The following ENTREP2 variants were observed in gnomAD, a reference collection of about 807,000 sequenced individuals.
ENTREP2 encodes the protein protein ENTREP2.
At chr15:29,129,990 A>G in the ENTREP2 span, among the ~76,000 whole-genome samples, 1 of 152,170 alleles carries the variant, frequency 6.6e-6, no homozygotes, top group African/African-American at 2.4e-5. Context: ...ACTTGCTCTG[A>G]TTCCAGCTCA....
the ENTREP2 span, among the ~76,000 whole-genome samples, chr15:29,511,238 A>T: frequency 6.6e-6 from 1 of 152,226 alleles, no homozygotes; most frequent in Non-Finnish European, 1.5e-5. Flanking sequence ...CCATGTGTTA[A>T]GCGGGTTTCC....
the ENTREP2 span, among the ~76,000 whole-genome samples, chr15:29,204,253 C>T: frequency 6.6e-6 from 1 of 152,174 alleles, no homozygotes; most frequent in African/African-American, 2.4e-5. Context: ...AGCTAGCCTG[C>T]CCCCCTTATT....
At chr15:29,435,825 G>A in the ENTREP2 span, among the ~76,000 whole-genome samples, 1 of 152,012 alleles carries the variant, frequency 6.6e-6, no homozygotes, top group Non-Finnish European at 1.5e-5. Flanking sequence ...ATCCCAGTTT[G>A]CCCTGGAGTT....
At chr15:29,374,145 C>A in the ENTREP2 span, 1 of 151,994 alleles carries the variant, frequency 6.6e-6, no homozygotes, top group East Asian at 1.9e-4. Flanking sequence ...AAAAAGAAAT[C>A]TCACACATCA....
the ENTREP2 span, among the ~76,000 whole-genome samples, chr15:29,259,428 A>G: frequency 0.57 from 87,354 of 151,982 alleles, 25,220 homozygotes; most frequent in South Asian, 0.64. Flanking sequence ...CCCCTAAAGT[A>G]CCTGCCTGAG....
At chr15:29,489,794 G>A in the ENTREP2 span, among the ~76,000 whole-genome samples, 1 of 152,194 alleles carries the variant, frequency 6.6e-6, no homozygotes, top group East Asian at 1.9e-4. Flanking sequence ...TTGCACGTCT[G>A]GGTACCATCG....
chr15:29,125,277 C>T, the ENTREP2 span, among the ~76,000 whole-genome samples: 1 of 152,180 alleles, frequency 6.6e-6, no homozygotes, highest in Non-Finnish European at 1.5e-5. Flanking sequence ...AGAGAGGTTC[C>T]GGAGCTCAAG....
chr15:29,549,997 C>G, the ENTREP2 span, among the ~76,000 whole-genome samples: 2 of 152,098 alleles, frequency 1.3e-5, no homozygotes, highest in Non-Finnish European at 2.9e-5. Flanking sequence ...CTGTGAGGCA[C>G]CCACAACAAG....
At chr15:29,324,342 A>G in the ENTREP2 span, among the ~76,000 whole-genome samples, 3 of 152,168 alleles carry the variant, frequency 2.0e-5, no homozygotes, top group Non-Finnish European at 1.5e-5. Flanking sequence ...TTGGCCTCCC[A>G]AAGTGCTAGG....
At chr15:29,382,328 C>T in the ENTREP2 span, among the ~76,000 whole-genome samples, 1 of 152,034 alleles carries the variant, frequency 6.6e-6, no homozygotes, top group East Asian at 1.9e-4. Context: ...CACCCACGGG[C>T]CACCTGGCCA....
the ENTREP2 span, among the ~76,000 whole-genome samples, chr15:29,357,769 G>A: frequency 6.6e-6 from 1 of 152,020 alleles, no homozygotes; most frequent in Non-Finnish European, 1.5e-5. Context: ...AACCCGGGAG[G>A]CGGAGCTTGC....
the ENTREP2 span, among the ~76,000 whole-genome samples, chr15:29,489,784 T>G: frequency 6.6e-6 from 1 of 152,070 alleles, no homozygotes; most frequent in Non-Finnish European, 1.5e-5. Flanking sequence ...CTAGGCACAT[T>G]TGCACGTCTG....
chr15:29,649,746 G>A, the ENTREP2 span, among the ~76,000 whole-genome samples: 51 of 130,656 alleles, frequency 3.9e-4, no homozygotes, highest in East Asian at 1.1e-3. Context: ...AAAAAAAAAA[G>A]AAAGAAAGAA....
the ENTREP2 span, among the ~76,000 whole-genome samples, chr15:29,574,541 C>G: frequency 6.6e-6 from 1 of 152,186 alleles, no homozygotes; most frequent in Non-Finnish European, 1.5e-5. Flanking sequence ...ATCCACCCAC[C>G]TTGGCCTCCC....
At chr15:29,444,355 G>A in the ENTREP2 span, among the ~76,000 whole-genome samples, 9 of 152,158 alleles carry the variant, frequency 5.9e-5, no homozygotes, top group South Asian at 4.1e-4. Context: ...ACGGCTATCC[G>A]TTGCGGGGTG....
At chr15:29,476,401 T>C in the ENTREP2 span, among the ~76,000 whole-genome samples, 2 of 152,336 alleles carry the variant, frequency 1.3e-5, no homozygotes, top group East Asian at 3.9e-4. Context: ...TTTAGGCTTC[T>C]GAGCTAAAGT....
At chr15:29,154,747 A>G in the ENTREP2 span, among the ~76,000 whole-genome samples, 1 of 152,196 alleles carries the variant, frequency 6.6e-6, no homozygotes, top group Non-Finnish European at 1.5e-5. Flanking sequence ...ACATGAGCCC[A>G]TGTGTTCCAA....
the ENTREP2 span, among the ~76,000 whole-genome samples, chr15:29,598,032 G>A: frequency 0.89 from 135,075 of 152,130 alleles, 60,204 homozygotes; most frequent in African/African-American, 0.93. Flanking sequence ...CTGAGGATGG[G>A]GGATCTCTTG....
chr15:29,492,061 T>A, the ENTREP2 span, among the ~76,000 whole-genome samples: 1 of 131,364 alleles, frequency 7.6e-6, no homozygotes. Context: ...TACTGTTGGT[T>A]TGATTTTTTT....
Sources: gnomAD v4.1 joint callset for allele counts (sites outside exome capture counted in the v4.1 genomes callset) on GRCh38, gnomAD v4.1.1 for gene constraint, MANE v1.5 for transcripts, NCBI Gene and HGNC (gene_info 2026-07-23, HGNC 2026-07-21) for gene names.